C11orf52: variants seen among roughly 807,000 people sequenced by gnomAD.
C11orf52 encodes uncharacterized protein C11orf52.
In C11orf52, 9 loss-of-function variants were observed where a neutral mutation model predicts 11.7. The observed-to-expected ratio is 0.77, with a 90% CI of 0.46 to 1.34. The LOEUF is 1.34. Among genes scored for constraint, C11orf52 ranks in the 40% most tolerant of loss-of-function variants. The probability of loss-of-function intolerance (pLI) is 0.00; values close to 1 mark genes in which losing one functional copy is unlikely to be tolerated. For synonymous variants in C11orf52, 49 were observed against 57.4 expected (o/e 0.85, Z 0.66); for missense variants, 139 against 154.8 (o/e 0.90, Z 0.54).
Position 111,926,020 on chromosome 11 carries a change from A to AG in C11orf52, c.195dup (p.Ser66GlufsTer15), listed in dbSNP as rs781866936. On this transcript the variant is annotated frameshift_variant, in exon 4 of 4. Coordinates refer to ENST00000278601, the MANE Select transcript of C11orf52 (RefSeq NM_080659.3). LOFTEE classifies it low-confidence loss of function (END_TRUNC). ...GTTACAGCAGCAAGGGTCTCAAGAGAGGAGTCCAGGCCTCATGTCGGAAGA... is the reference window on the plus strand; with the variant it reads ...GTTACAGCAGCAAGGGTCTCAAGAGAGGGAGTCCAGGCCTCATGTCGGAAGA... The AG allele has an allele frequency of 6.2e-7, 1 of 1,614,258 alleles. No individual in the cohort carries two copies. Among genetic ancestry groups the AG allele is most frequent in the Admixed American group, 1.7e-5 (1 of 60,024 alleles).
Position 111,926,319 on chromosome 11 carries a change from C to T in C11orf52, c.*120C>T. ...GTCCACGTTTTAAGCTTAAAGAACT[C>T]CAAAGCCCCTGGAATTGTGGGCGTC... On this transcript the variant is annotated 3_prime_UTR_variant, in exon 4 of 4. Coordinates refer to ENST00000278601, the MANE Select transcript of C11orf52 (RefSeq NM_080659.3). The T allele has an allele frequency of 6.9e-7, 1 of 1,450,366 alleles. No individual in the cohort carries two copies. Among genetic ancestry groups the T allele is most frequent in the Non-Finnish European group, 9.3e-7 (1 of 1,077,114 alleles). 89.8% of individuals were successfully genotyped at this position (1,450,366 alleles called of 1,614,324 possible).
Position 111,925,643 on chromosome 11 carries a change from T to A in C11orf52, c.71-10T>A. 1 of 1,614,084 alleles carries A rather than the reference T, an allele frequency of 6.2e-7. No individual in the cohort carries two copies. The highest frequency in any genetic ancestry group is 1.3e-5 in the African/African-American group (1 of 75,060). ...AGAGAATAAACTTAAGTTGGATTTC[T>A]TCCCCTCAGGAAGCCAAACAAGACG... On this transcript the variant is annotated splice_polypyrimidine_tract_variant and intron_variant, in intron 2 of 3. Transcript: ENST00000278601.
chr11:111,926,079 C>T lies in C11orf52; in HGVS notation c.252C>T (p.Cys84=), dbSNP rs991818561. Residue 84 remains cysteine, a synonymous_variant, in exon 4 of 4, where the codon TGC becomes TGT. Coordinates refer to ENST00000278601, the MANE Select transcript of C11orf52 (RefSeq NM_080659.3). ...SNLHYADIQV[C]SRPHAREVKH... ...TACATTATGCTGACATTCAAGTGTG[C>T]AGCCGTCCCCATGCCCGGGAAGTGA... 2 of 1,614,262 alleles carry T rather than the reference C, an allele frequency of 1.2e-6. No individual in the cohort carries two copies. Among genetic ancestry groups the T allele is most frequent in the Non-Finnish European group, 1.7e-6 (2 of 1,180,036 alleles).
rs1965810261 is a variant in C11orf52 at position 111,926,357 on chromosome 11, CT to C, written c.*159del. On this transcript the variant is annotated 3_prime_UTR_variant, in exon 4 of 4. Transcript: ENST00000278601. ...AATTGTGGGCGTCCCATTTTCTCCC[CT>C]GGCCTCTTACTTGCCACTGTTAGGT... The C allele has an allele frequency of 6.2e-6, 7 of 1,136,274 alleles. No individual in the cohort carries two copies. The highest frequency in any genetic ancestry group is 8.6e-6 in the Non-Finnish European group (7 of 814,894). 70.4% of individuals were successfully genotyped at this position (1,136,274 alleles called of 1,614,324 possible).
rs587733153 is a variant in C11orf52, at chr11:111,926,859, G to A, written c.*660G>A. 6.6e-6 allele frequency: 1 copy of A among 152,670 alleles called. No homozygotes were observed. Among genetic ancestry groups the A allele is most frequent in the Admixed American group, 6.5e-5 (1 of 15,328 alleles). The allele number at this position is 152,670 out of a possible 1,614,324, so 9.5% of individuals were successfully genotyped here. A position where few individuals can be genotyped will look rare whatever the true frequency, so the allele number is the denominator to read the frequency against. On this transcript the variant is annotated 3_prime_UTR_variant, in exon 4 of 4. Transcript: ENST00000278601. ...TGCGGGGCCGCTAGGATCAATAAAC[G>A]GCCTGAGAAACATGCCTGGCGCGTT...
intron 1 of C11orf52, among the ~76,000 whole-genome samples, chr11:111,919,596 T>G (rs587594197): frequency 6.6e-6 from 1 of 152,346 alleles, no homozygotes; most frequent in South Asian, 2.1e-4. Context: ...TTCTTTCCCT[T>G]TCTTCCTGGA....
intron 1 of C11orf52, among the ~76,000 whole-genome samples, chr11:111,920,896 C>A (rs1401761166): frequency 1.3e-5 from 2 of 152,236 alleles, no homozygotes; most frequent in African/African-American, 2.4e-5. Flanking sequence ...TGTATCCATC[C>A]TCACATGTAA....
At chr11:111,924,208 T>C (rs904599866) in intron 1 of C11orf52, 118 bp from the exon 2 acceptor site, 23 of 940,064 alleles carry the variant, frequency 2.4e-5, no homozygotes, top group Admixed American at 6.5e-5. Context: ...TGAATCTTTG[T>C]TAGAGGGAGG....
chr11:111,923,504 G>T (rs1383906104), intron 1 of C11orf52, among the ~76,000 whole-genome samples: 1 of 152,204 alleles, frequency 6.6e-6, no homozygotes, highest in Non-Finnish European at 1.5e-5. Context: ...AGTTGGAAAT[G>T]TACTAGCAAG....
In C11orf52 at chr11:111,926,190, C is replaced by G; in HGVS notation, c.363C>G (p.Thr121=). ...ATPRYDSKNG[T]LV is the part of the protein sequence containing the mutation. ...CTCGCTATGACAGCAAGAACGGGAC[C>G]CTGGTGTGAGCGCTTGGGAGGAAGG... Residue 121 remains threonine (T), a synonymous_variant, in exon 4 of 4, where the codon ACC becomes ACG. Transcript: ENST00000278601. 1 of 1,613,920 alleles carries G rather than the reference C, an allele frequency of 6.2e-7. No individual in the cohort carries two copies. Among genetic ancestry groups the G allele is most frequent in the Non-Finnish European group, 8.5e-7 (1 of 1,179,888 alleles).
At chr11:111,924,234 A>C (rs1453797671) in intron 1 of C11orf52, 92 bp from the exon 2 acceptor site, 17 of 1,243,120 alleles carry the variant, frequency 1.4e-5, no homozygotes, top group Non-Finnish European at 1.8e-5. Flanking sequence ...GAAGCTCATC[A>C]GAATGTTAAG....
intron 3 of C11orf52, 116 bp from the exon 4 acceptor site, chr11:111,925,844 T>A (rs937278053): frequency 6.4e-7 from 1 of 1,571,194 alleles, no homozygotes; most frequent in East Asian, 2.3e-5. Context: ...TCCTCCTCTG[T>A]CTGTCCTTTG....
In C11orf52 at chr11:111,926,866, G is replaced by A. The variant is rs1555167036; in HGVS notation, c.*667G>A. Reference sequence around the variant, plus strand: ...CCGCTAGGATCAATAAACGGCCTGAGAAACATGCCTGGCGCGTTTTCTGGG... The same window carrying A: ...CCGCTAGGATCAATAAACGGCCTGAAAAACATGCCTGGCGCGTTTTCTGGG... On this transcript the variant is annotated 3_prime_UTR_variant, in exon 4 of 4. Transcript: ENST00000278601. 1 of 152,524 alleles carries A rather than the reference G, an allele frequency of 6.6e-6. No homozygotes were observed. The highest frequency in any genetic ancestry group is 2.4e-5 in the African/African-American group (1 of 41,478). 9.4% of individuals were successfully genotyped at this position (152,524 alleles called of 1,614,324 possible).
At chr11:111,925,403 C>T (rs1473210974) in intron 2 of C11orf52, among the ~76,000 whole-genome samples, 1 of 109,086 alleles carries the variant, frequency 9.2e-6, no homozygotes, top group African/African-American at 6.2e-5. Context: ...AATGGGTTCT[C>T]TTGTTGAACT....
At chr11:111,924,976 T>C (rs2137404682) in intron 2 of C11orf52, among the ~76,000 whole-genome samples, 1 of 152,142 alleles carries the variant, frequency 6.6e-6, no homozygotes, top group East Asian at 1.9e-4. Flanking sequence ...AGAGAAAAAC[T>C]AGCTGGGCAT....
chr11:111,926,205 T>C lies in C11orf52; in HGVS notation c.*6T>C. ...AGAACGGGACCCTGGTGTGAGCGCT[T>C]GGGAGGAAGGCCCAGTCCATCGTTA... On this transcript the variant is annotated 3_prime_UTR_variant, in exon 4 of 4. Coordinates refer to ENST00000278601, the MANE Select transcript of C11orf52 (RefSeq NM_080659.3). 1 of 1,613,032 alleles carries C rather than the reference T, an allele frequency of 6.2e-7. No homozygotes were observed. Among genetic ancestry groups the C allele is most frequent in the Non-Finnish European group, 8.5e-7 (1 of 1,179,370 alleles).
intron 1 of C11orf52, among the ~76,000 whole-genome samples, chr11:111,920,842 C>T (rs1965685185): frequency 6.6e-6 from 1 of 152,204 alleles, no homozygotes; most frequent in Non-Finnish European, 1.5e-5. Context: ...GACTTTCACA[C>T]TTATTTACTA....
intron 1 of C11orf52, among the ~76,000 whole-genome samples, chr11:111,922,165 A>G (rs1320819900): frequency 6.6e-6 from 1 of 152,198 alleles, no homozygotes; most frequent in Non-Finnish European, 1.5e-5. Context: ...AGAAAACAGA[A>G]GCCCAGAGAA....
chr11:111,924,612 A>C (rs1965756752), intron 2 of C11orf52, among the ~76,000 whole-genome samples: 1 of 152,168 alleles, frequency 6.6e-6, no homozygotes, highest in Non-Finnish European at 1.5e-5. Flanking sequence ...TTTACTCAGC[A>C]CTTACATTCT....
Sources: allele counts gnomAD v4.1 joint callset (sites outside exome capture counted in the v4.1 genomes callset), GRCh38; gene constraint gnomAD v4.1.1; transcripts MANE v1.5; gene names NCBI Gene and HGNC (gene_info 2026-07-23, HGNC 2026-07-21).